The following TNKS2 variants were observed in gnomAD, a reference collection of about 807,000 sequenced individuals.
TNKS2 encodes the protein poly [ADP-ribose] polymerase tankyrase-2.
TNKS2 carries 72 observed loss-of-function variants against 137.6 expected under a neutral mutation model. That is an observed-to-expected ratio of 0.52 (90% CI 0.43 to 0.64). The LOEUF is 0.64. TNKS2 is among the 30% of genes least tolerant of loss of function. The pLI is 0.00. For missense variants in TNKS2, 1,049 were observed against 1,410.2 expected, an observed-to-expected ratio of 0.74 and a Z score of 4.10; for synonymous variants, 516 against 512.1, an observed-to-expected ratio of 1.01 and a Z score of -0.10.
intron 8 of TNKS2, 121 bp downstream of exon 8, chr10:91,827,324 C>T: frequency 1.3e-6 from 1 of 776,388 alleles, no homozygotes; most frequent in African/African-American, 1.8e-5. Flanking sequence ...CCATGGGCAT[C>T]CACTGTTGTT....
intron 21 of TNKS2, among the ~76,000 whole-genome samples, 198 bp from the exon 22 acceptor site, chr10:91,854,831 A>G (rs541581615): frequency 1.9e-4 from 28 of 151,052 alleles, no homozygotes; most frequent in Non-Finnish European, 4.0e-4. Context: ...TGAACCCAGG[A>G]CGCGGAGGTT....
Position 91,863,887 on chromosome 10 carries a change from C to T in TNKS2, c.*888C>T, listed in dbSNP as rs1390537415. The T allele has an allele frequency of 6.6e-6, 1 of 151,908 alleles. No individual in the cohort carries two copies. Among genetic ancestry groups the T allele is most frequent in the African/African-American group, 2.4e-5 (1 of 41,328 alleles). The allele number at this position is 151,908 out of a possible 1,614,324, so 9.4% of individuals were successfully genotyped here. On this transcript the variant is annotated 3_prime_UTR_variant, in exon 27 of 27. Transcript: ENST00000371627. The stretch of plus-strand genomic sequence containing the variant: ...CTTGCTGTTGAACAATTATTGTGTT[C>T]TTTTCATGGAACATAAGTAGGATGT...
chr10:91,821,104 C>A (rs1438671479), intron 6 of TNKS2, among the ~76,000 whole-genome samples: 1 of 152,064 alleles, frequency 6.6e-6, no homozygotes, highest in Non-Finnish European at 1.5e-5. Context: ...GTGGCGCGAT[C>A]GTGGTTCACT....
At chr10:91,819,811 A>G (rs1441028778) in intron 5 of TNKS2, 128 bp from the exon 6 acceptor site, 1 of 791,602 alleles carries the variant, frequency 1.3e-6, no homozygotes, top group Non-Finnish European at 1.9e-6. Context: ...ATTTTGTAAA[A>G]CCAAATTGAT....
At chr10:91,830,704 G>A (rs1374106614) in intron 9 of TNKS2, among the ~76,000 whole-genome samples, 6 of 152,160 alleles carry the variant, frequency 3.9e-5, no homozygotes, top group African/African-American at 1.4e-4. Flanking sequence ...AAGTTTGATT[G>A]GAATATGTAA....
chr10:91,817,433 T>A (rs1162632000), intron 3 of TNKS2, among the ~76,000 whole-genome samples: 1 of 152,230 alleles, frequency 6.6e-6, no homozygotes. Flanking sequence ...CTAATTGCTG[T>A]TTAAGTATGT....
At chr10:91,829,219 T>A (rs1033505046) in intron 9 of TNKS2, among the ~76,000 whole-genome samples, 4 of 152,268 alleles carry the variant, frequency 2.6e-5, no homozygotes, top group Non-Finnish European at 4.4e-5. Context: ...CTATGAAATT[T>A]ATGTAGAAAC....
At chr10:91,855,159 C>T (rs759786971) in intron 22 of TNKS2, 33 bp downstream of exon 22, 12 of 1,310,872 alleles carry the variant, frequency 9.2e-6, no homozygotes, top group African/African-American at 4.4e-5. Context: ...GTAGGTTTGC[C>T]GTATATATTT....
intron 1 of TNKS2, among the ~76,000 whole-genome samples, chr10:91,812,383 G>A (rs1844537999): frequency 6.6e-6 from 1 of 152,150 alleles, no homozygotes; most frequent in African/African-American, 2.4e-5. Context: ...AGTTATATAT[G>A]CGTTTTGCAA....
At chr10:91,810,397 AC>A (rs1167333329) in intron 1 of TNKS2, among the ~76,000 whole-genome samples, 2 of 99,606 alleles carry the variant, frequency 2.0e-5, no homozygotes, top group African/African-American at 7.0e-5. Flanking sequence ...AACAACAACA[AC>A]AAAAAAAACC....
At chr10:91,814,956 G>A (rs1844633927) in intron 2 of TNKS2, among the ~76,000 whole-genome samples, 1 of 152,230 alleles carries the variant, frequency 6.6e-6, no homozygotes. Flanking sequence ...TTAGGAAACT[G>A]TAAAGTAACC....
At chr10:91,824,557 A>G (rs1845005415) in intron 7 of TNKS2, among the ~76,000 whole-genome samples, 1 of 152,158 alleles carries the variant, frequency 6.6e-6, no homozygotes, top group African/African-American at 2.4e-5. Flanking sequence ...GTGTTGACTG[A>G]TATTTCTTTG....
At chr10:91,856,405 A>C (rs1002524368) in intron 23 of TNKS2, among the ~76,000 whole-genome samples, 1 of 152,220 alleles carries the variant, frequency 6.6e-6, no homozygotes, top group Non-Finnish European at 1.5e-5. Context: ...AACAGTATCA[A>C]ATCTTTCAGC....
intron 25 of TNKS2, among the ~76,000 whole-genome samples, chr10:91,860,900 T>C (rs2133686886): frequency 6.6e-6 from 1 of 152,288 alleles, no homozygotes; most frequent in African/African-American, 2.4e-5. Context: ...GCTGTTTTTA[T>C]TTGTCATATA....
intron 25 of TNKS2, 85 bp from the exon 26 acceptor site, chr10:91,861,914 T>A: frequency 4.7e-6 from 6 of 1,266,408 alleles, no homozygotes; most frequent in Non-Finnish European, 6.4e-6. Context: ...TAAATAATTT[T>A]TTAAAACTTA....
At chr10:91,818,685 A>G (rs532658307) in intron 3 of TNKS2, among the ~76,000 whole-genome samples, 1 of 152,160 alleles carries the variant, frequency 6.6e-6, no homozygotes, top group South Asian at 2.1e-4. Flanking sequence ...GGCGTGCCTC[A>G]CCACACCCAG....
rs186814267 is a variant in TNKS2, at chr10:91,818,207, G to A, written c.520+978G>A. On this transcript the variant is annotated intron_variant, in intron 3 of 26. Coordinates refer to ENST00000371627, the MANE Select transcript of TNKS2 (RefSeq NM_025235.4). ...GCATTGCCTTGGCAGTCAGTATGCA[G>A]TTCACATTGTGGGTTTGGATGTCAT... 5.3e-5 allele frequency among the ~76,000 whole-genome samples: 8 copies of A among 152,250 alleles called. No homozygotes were observed. The East Asian group carries it at 1.5e-3, about 29-fold the overall frequency.
At chr10:91,822,190 C>A in intron 6 of TNKS2, 106 bp from the exon 7 acceptor site, 2 of 828,172 alleles carry the variant, frequency 2.4e-6, no homozygotes, top group Admixed American at 2.4e-5. Flanking sequence ...TCACATAATC[C>A]ATTTGCTATT....
At chr10:91,823,731 C>G (rs111419519) in intron 7 of TNKS2, among the ~76,000 whole-genome samples, 12 of 152,250 alleles carry the variant, frequency 7.9e-5, no homozygotes, top group African/African-American at 2.9e-4. Context: ...TTCTGTTACC[C>G]TGCACCCATT....
Sources: gnomAD v4.1 joint callset for allele counts (sites outside exome capture counted in the v4.1 genomes callset) on GRCh38, gnomAD v4.1.1 for gene constraint, MANE v1.5 for transcripts, NCBI Gene and HGNC (gene_info 2026-07-23, HGNC 2026-07-21) for gene names.